Variants in DNAH2 observed in about 807,000 individuals in gnomAD.
The protein encoded by DNAH2 is axonemal beta dynein heavy chain 2.
A neutral mutation model predicts 523.5 loss-of-function variants in DNAH2; 323 were observed. The observed-to-expected ratio is 0.62, with a 90% CI of 0.56 to 0.68. The LOEUF (loss-of-function observed/expected upper bound fraction) is 0.68, where lower values mean the gene tolerates loss of function less well. Ranked by LOEUF, DNAH2 falls within the 30% of genes least tolerant of loss-of-function variation. The probability of loss-of-function intolerance (pLI) is 0.00; values close to 1 mark genes in which losing one functional copy is unlikely to be tolerated. For missense variants in DNAH2, 4,907 were observed against 5,701.5 expected, an observed-to-expected ratio of 0.86 and a Z score of 4.49; for synonymous variants, 2,093 against 2,177.4, an observed-to-expected ratio of 0.96 and a Z score of 1.08.
At chr17:7,757,977 G>A (rs1597555001) in intron 13 of DNAH2, among the ~76,000 whole-genome samples, 1 of 152,194 alleles carries the variant, frequency 6.6e-6, no homozygotes, top group East Asian at 1.9e-4. Flanking sequence ...GTGGGAGTGG[G>A]GATTTTAACA....
At chr17:7,797,582 G>C (rs767164560) in intron 52 of DNAH2, 52 bp downstream of exon 52, 19 of 1,613,918 alleles carry the variant, frequency 1.2e-5, no homozygotes, top group Non-Finnish European at 1.6e-5. Flanking sequence ...GAACATCGGG[G>C]CTAGAAGGAG....
intron 27 of DNAH2, 78 bp downstream of exon 27, chr17:7,771,011 T>C (rs2076299909): frequency 6.6e-7 from 1 of 1,507,142 alleles, no homozygotes; most frequent in African/African-American, 1.4e-5. Context: ...TTTTGCCCTG[T>C]TATCAGCCTC....
intron 72 of DNAH2, among the ~76,000 whole-genome samples, chr17:7,819,682 G>A (rs906807293): frequency 3.3e-5 from 5 of 152,222 alleles, no homozygotes; most frequent in Non-Finnish European, 7.3e-5. Flanking sequence ...GGCAGGAAGT[G>A]CACTGGCAAT....
At position 7,766,518 on chromosome 17, in the gene DNAH2, A is replaced by T. The variant is rs578051952; in HGVS notation, c.3675+37A>T. 5 of 1,603,098 alleles carry T rather than the reference A, an allele frequency of 3.1e-6. No individual in the cohort carries two copies. The East Asian group carries it at 9.0e-5, about 29-fold the overall frequency. On this transcript the variant is annotated intron_variant, in intron 22 of 85. Coordinates refer to ENST00000572933, the MANE Select transcript of DNAH2 (RefSeq NM_020877.5). ...AGCAAGGACCCTGTGGTCACTGTCG[A>T]TAAGGGGCAGGGACAGGAGAATGGG...
rs752460979 is a variant in DNAH2 at position 7,830,830 on chromosome 17, C to A, written c.12218C>A (p.Thr4073Asn). Reference protein sequence around the residue: ...NDYFCDQSLSTPFHRLSALET... With the variant: ...NDYFCDQSLSNPFHRLSALET... ...TATTTCTGTGACCAGTCTCTATCAACTCCCTTCCACCGGTGAGGGGGAGGT... is the reference window on the plus strand; with the variant it reads ...TATTTCTGTGACCAGTCTCTATCAAATCCCTTCCACCGGTGAGGGGGAGGT... Residue 4073 changes from threonine to asparagine, a missense_variant, in exon 79 of 86, where the codon ACT becomes AAT. By Grantham distance (65) the Thr-to-Asn change is moderately conservative. Transcript: ENST00000572933. The A allele has an allele frequency of 1.2e-5, 19 of 1,613,918 alleles. No individual in the cohort carries two copies. The highest frequency in any genetic ancestry group is 1.5e-5 in the Non-Finnish European group (18 of 1,180,028).
intron 73 of DNAH2, among the ~76,000 whole-genome samples, chr17:7,822,926 T>C (rs1229414443): frequency 6.6e-6 from 1 of 152,162 alleles, no homozygotes; most frequent in Non-Finnish European, 1.5e-5. Flanking sequence ...CTGTGAGGGC[T>C]AAGGGCAGGG....
chr17:7,721,325 C>T (rs2151112736), intron 2 of DNAH2, among the ~76,000 whole-genome samples: 2 of 152,266 alleles, frequency 1.3e-5, no homozygotes, highest in Middle Eastern at 6.8e-3. Context: ...AGGCGTGTGC[C>T]ACCACACCCG....
chr17:7,805,513 C>T (rs917158142), intron 61 of DNAH2, 120 bp downstream of exon 61: 7 of 1,422,562 alleles, frequency 4.9e-6, no homozygotes, highest in East Asian at 2.3e-5. Flanking sequence ...CCCTCAAGAG[C>T]ACAGGGCCTA....
intron 52 of DNAH2, 28 bp from the exon 53 acceptor site, chr17:7,797,652 A>T: frequency 2.5e-6 from 4 of 1,613,694 alleles, no homozygotes; most frequent in Non-Finnish European, 3.4e-6. Context: ...GGCATTTGTG[A>T]CTCTGATCCC....
At position 7,826,462 on chromosome 17, in the gene DNAH2, A is replaced by G. The variant is rs938404209; in HGVS notation, c.11853+1735A>G. On this transcript the variant is annotated intron_variant, in intron 77 of 85. Coordinates refer to ENST00000572933, the MANE Select transcript of DNAH2 (RefSeq NM_020877.5). ...TAAAAAAGCTAGATATTAAGTAGGT[A>G]CAAAAGAAGATTTATAAAATATATG... Among the ~76,000 whole-genome samples the G allele has an allele frequency of 6.6e-5, 10 of 152,206 alleles. No homozygotes were observed. In the South Asian group the frequency reaches 2.1e-3, roughly 31 times the overall value.
In DNAH2 at chr17:7,775,349, T is replaced by G; in HGVS notation, c.4821+7T>G. On this transcript the variant is annotated splice_region_variant and intron_variant, in intron 30 of 85. Coordinates refer to ENST00000572933, the MANE Select transcript of DNAH2 (RefSeq NM_020877.5). ...TTTAGAAGGCCCTGTGGAGGTGAGTTGTGGTGAGGGTCTGAGGACCTAGCT... is the reference window on the plus strand; with the variant it reads ...TTTAGAAGGCCCTGTGGAGGTGAGTGGTGGTGAGGGTCTGAGGACCTAGCT... 1 of 1,607,658 alleles carries G rather than the reference T, an allele frequency of 6.2e-7. No individual in the cohort carries two copies. The highest frequency in any genetic ancestry group is 8.5e-7 in the Non-Finnish European group (1 of 1,176,536).
intron 12 of DNAH2, among the ~76,000 whole-genome samples, chr17:7,752,801 A>G (rs1409939200): frequency 6.6e-6 from 1 of 152,236 alleles, no homozygotes; most frequent in African/African-American, 2.4e-5. Context: ...GCCCAAGTCA[A>G]GGATTGCCAG....
intron 63 of DNAH2, among the ~76,000 whole-genome samples, chr17:7,810,527 TA>T (rs1385663162): frequency 2.0e-5 from 3 of 152,174 alleles, no homozygotes; most frequent in African/African-American, 7.2e-5. Context: ...TAGCTGGGAT[TA>T]CAGGCGTCTG....
chr17:7,832,578 G>C lies in DNAH2; in HGVS notation c.12727-1G>C. 5 of 1,613,816 alleles carry C rather than the reference G, an allele frequency of 3.1e-6. No homozygotes were observed. Among genetic ancestry groups the C allele is most frequent in the Middle Eastern group, 1.7e-4 (1 of 6,056 alleles). The stretch of plus-strand genomic sequence containing the variant: ...TGAATACACACGCACTCCTTCCCCA[G>C]GCATACCCCTCACAAAAGCCATTGG... On this transcript the variant is annotated splice_acceptor_variant, in intron 82 of 85. Transcript: ENST00000572933. LOFTEE classifies it high-confidence loss of function. This position sits in a 1 kb window ranked among gnomAD's most constrained non-coding sequence, Gnocchi z 4.3.
At position 7,777,026 on chromosome 17, in the gene DNAH2, A is replaced by C. The variant is rs973779021; in HGVS notation, c.5058+137A>C. On this transcript the variant is annotated intron_variant, in intron 32 of 85. Transcript: ENST00000572933. ...TGGCGAAACCCCTTCTTTACCAAAAAATACAAAAATTAGCTGGTGGCACAC... is the reference window on the plus strand; with the variant it reads ...TGGCGAAACCCCTTCTTTACCAAAACATACAAAAATTAGCTGGTGGCACAC... 3 of 669,628 alleles carry C rather than the reference A, an allele frequency of 4.5e-6. No individual in the cohort carries two copies. The South Asian group carries it at 5.4e-5, about 12-fold the overall frequency. 41.5% of individuals were successfully genotyped at this position (669,628 alleles called of 1,614,324 possible).
chr17:7,821,453 A>G lies in DNAH2; in HGVS notation c.11142+84A>G, dbSNP rs2077853072. 1 of 1,485,260 alleles carries G rather than the reference A, an allele frequency of 6.7e-7. No individual in the cohort carries two copies. The highest frequency in any genetic ancestry group is 2.1e-5 in the Admixed American group (1 of 46,734). The allele number at this position is 1,485,260 out of a possible 1,614,324, so 92.0% of individuals were successfully genotyped here. A position where few individuals can be genotyped will look rare whatever the true frequency, so the allele number is the denominator to read the frequency against. ...AGTGTGACAAGGACTCCAGACCCAG[A>G]GGGTCAGGCCCACAGCATCAGTGAG... On this transcript the variant is annotated intron_variant, in intron 73 of 85. Transcript: ENST00000572933. This position sits in a 1 kb window ranked among gnomAD's most constrained non-coding sequence, Gnocchi z 5.0.
At chr17:7,811,047 T>A (rs1203093094) in intron 63 of DNAH2, among the ~76,000 whole-genome samples, 1 of 152,182 alleles carries the variant, frequency 6.6e-6, no homozygotes, top group Non-Finnish European at 1.5e-5. Flanking sequence ...GGCGACTGTA[T>A]CCCCAAGTCT....
At chr17:7,797,961 C>G in intron 53 of DNAH2, 132 bp downstream of exon 53, 2 of 1,416,404 alleles carry the variant, frequency 1.4e-6, no homozygotes, top group Non-Finnish European at 1.9e-6. Flanking sequence ...CCCAGATGCC[C>G]TGTGGCAGTG....
Position 7,725,360 on chromosome 17 carries a change from G to T in DNAH2, c.228+1671G>T. Among the ~76,000 whole-genome samples, 2 of 150,182 alleles carry T rather than the reference G, an allele frequency of 1.3e-5. 1 individual carries two copies. Among genetic ancestry groups the T allele is most frequent in the East Asian group, 3.9e-4 (2 of 5,124 alleles). ...CTACCTCGGCCTCCCAAAGTGCTGG[G>T]ATTACAGGTGTGAGCCACTGTGCCT... is the stretch of plus-strand genomic sequence containing the variant. On this transcript the variant is annotated intron_variant, in intron 3 of 85. Transcript: ENST00000572933.
Sources: allele counts gnomAD v4.1 joint callset (sites outside exome capture counted in the v4.1 genomes callset), GRCh38; gene constraint gnomAD v4.1.1; non-coding constraint Gnocchi (gnomAD v3.1); transcripts MANE v1.5; gene names NCBI Gene and HGNC (gene_info 2026-07-23, HGNC 2026-07-21).